Variants in GPC6 observed in about 807,000 individuals in gnomAD.
GPC6 encodes the protein glypican 6.
A neutral mutation model predicts 55.2 loss-of-function variants in GPC6; 14 were observed. That is an observed-to-expected ratio of 0.25 (90% CI 0.17 to 0.40). The LOEUF is 0.40. Among genes scored for constraint, GPC6 ranks in the 10% least tolerant of loss-of-function variants. The pLI, the probability that GPC6 is intolerant of heterozygous loss-of-function variation, is 1.00. For synonymous variants in GPC6, 278 were observed against 259.6 expected (o/e 1.07, Z -0.68); for missense variants, 641 against 708.5 (o/e 0.90, Z 1.08).
chr13:94,372,503 G>C lies in GPC6; in HGVS notation c.1153-9911G>C, dbSNP rs1168904071. Among the ~76,000 whole-genome samples the C allele has an allele frequency of 3.3e-5, 5 of 152,238 alleles. No individual in the cohort carries two copies. In the East Asian group the frequency reaches 7.7e-4, roughly 24 times the overall value. ...TCCCACCCGAATACTGCACTTTTCC[G>C]ACGGGCTTAAAAAACGGCGCACCAC... On this transcript the variant is annotated intron_variant, in intron 6 of 8. Transcript: ENST00000377047.
intron 6 of GPC6, among the ~76,000 whole-genome samples, chr13:94,312,739 C>G (rs1477003677): frequency 2.2e-5 from 3 of 138,590 alleles, no homozygotes; most frequent in Non-Finnish European, 4.5e-5. Flanking sequence ...CACACACACA[C>G]ACATGCACTC....
At chr13:93,627,893 CT>C (rs1879270980) in intron 2 of GPC6, among the ~76,000 whole-genome samples, 1 of 152,122 alleles carries the variant, frequency 6.6e-6, no homozygotes, top group African/African-American at 2.4e-5. Flanking sequence ...TATTAGATAT[CT>C]CTCAACACAT....
intron 2 of GPC6, among the ~76,000 whole-genome samples, chr13:93,565,512 G>T (rs187360149): frequency 1.2e-3 from 180 of 152,260 alleles, no homozygotes; most frequent in African/African-American, 4.1e-3. Context: ...TCATTAGGAA[G>T]TGTCTGCTTT....
chr13:94,303,122 G>C (rs906012054), intron 5 of GPC6, among the ~76,000 whole-genome samples: 1 of 152,222 alleles, frequency 6.6e-6, no homozygotes, highest in Admixed American at 6.5e-5. Flanking sequence ...AGCTCCAGCC[G>C]TAACAAACAC....
At chr13:93,522,760 C>T (rs1228251545) in intron 1 of GPC6, among the ~76,000 whole-genome samples, 1 of 151,836 alleles carries the variant, frequency 6.6e-6, no homozygotes, top group Non-Finnish European at 1.5e-5. Flanking sequence ...AATCCGGAGG[C>T]ATTTTTTTGG....
chr13:93,227,690 C>A lies in GPC6; in HGVS notation c.160+74C>A. The A allele has an allele frequency of 1.7e-6, 2 of 1,198,834 alleles. No individual in the cohort carries two copies. 74.3% of individuals were successfully genotyped at this position (1,198,834 alleles called of 1,614,324 possible). On this transcript the variant is annotated intron_variant, in intron 1 of 8. Transcript: ENST00000377047. This position sits in a 1 kb window ranked among gnomAD's most constrained non-coding sequence, Gnocchi z 4.3. ...ACGTCCCACTGGCCGCCCGGCGTCCCCTTCCTTCCCCCTGTTGCTGAGTTG... is the reference window on the plus strand; with the variant it reads ...ACGTCCCACTGGCCGCCCGGCGTCCACTTCCTTCCCCCTGTTGCTGAGTTG...
intron 1 of GPC6, among the ~76,000 whole-genome samples, chr13:93,320,975 C>A (rs1879417990): frequency 2.0e-5 from 3 of 152,196 alleles, no homozygotes; most frequent in East Asian, 1.9e-4. Flanking sequence ...CAGCACCATG[C>A]TGCTTATAAA....
At chr13:94,098,064 T>G (rs566220339) in intron 4 of GPC6, among the ~76,000 whole-genome samples, 19 of 152,248 alleles carry the variant, frequency 1.2e-4, no homozygotes, top group African/African-American at 4.3e-4. Flanking sequence ...GAGCTCATGG[T>G]CCAAGTCAGA....
chr13:93,884,172 G>T (rs1298787476), intron 3 of GPC6, among the ~76,000 whole-genome samples: 2 of 152,108 alleles, frequency 1.3e-5, no homozygotes, highest in African/African-American at 4.8e-5. Flanking sequence ...AAATGGAAAT[G>T]ACATCTCAAC....
At chr13:94,131,125 A>G (rs1886986265) in intron 4 of GPC6, among the ~76,000 whole-genome samples, 1 of 152,104 alleles carries the variant, frequency 6.6e-6, no homozygotes, top group Non-Finnish European at 1.5e-5. Context: ...AAGATTTACA[A>G]CATAATTAAG....
intron 2 of GPC6, among the ~76,000 whole-genome samples, chr13:93,637,191 G>A (rs1231071232): frequency 6.6e-6 from 1 of 152,106 alleles, no homozygotes; most frequent in Non-Finnish European, 1.5e-5. Flanking sequence ...TGTGAGAAGG[G>A]GAGGTATGTG....
chr13:93,716,454 G>C (rs1883257952), intron 2 of GPC6, among the ~76,000 whole-genome samples: 1 of 151,056 alleles, frequency 6.6e-6, no homozygotes, highest in Non-Finnish European at 1.5e-5. Context: ...GTAGGCCTAG[G>C]GTAATCTGTG....
intron 1 of GPC6, among the ~76,000 whole-genome samples, chr13:93,463,794 A>AAGC (rs990478827): frequency 1.3e-5 from 2 of 151,072 alleles, no homozygotes; most frequent in African/African-American, 4.9e-5. Context: ...ATCTATCCTC[A>AAGC]AGCACACCAA....
chr13:94,005,975 G>A (rs1216519723), intron 3 of GPC6, among the ~76,000 whole-genome samples: 1 of 152,116 alleles, frequency 6.6e-6, no homozygotes, highest in Non-Finnish European at 1.5e-5. Flanking sequence ...AAATGCAAAA[G>A]ATGTTGAAAC....
chr13:93,277,060 G>A (rs376017835), intron 1 of GPC6, among the ~76,000 whole-genome samples: 1 of 152,080 alleles, frequency 6.6e-6, no homozygotes, highest in Non-Finnish European at 1.5e-5. Context: ...GGAACCCCAG[G>A]GAGGGAAATT....
At chr13:93,999,858 C>T (rs1881720369) in intron 3 of GPC6, among the ~76,000 whole-genome samples, 1 of 152,086 alleles carries the variant, frequency 6.6e-6, no homozygotes, top group Non-Finnish European at 1.5e-5. Context: ...AAATAAATAA[C>T]AAAACCAAAC....
At chr13:93,441,010 C>A (rs544880021) in intron 1 of GPC6, among the ~76,000 whole-genome samples, 1 of 152,284 alleles carries the variant, frequency 6.6e-6, no homozygotes, top group Non-Finnish European at 1.5e-5. Context: ...CATGTCCCTA[C>A]AAAGGACATG....
chr13:94,079,620 C>A (rs1885037983), intron 4 of GPC6, among the ~76,000 whole-genome samples: 1 of 152,148 alleles, frequency 6.6e-6, no homozygotes. Context: ...TAGGACATTT[C>A]AAGTGTATGT....
chr13:93,928,782 C>G (rs1480533891), intron 3 of GPC6, among the ~76,000 whole-genome samples: 1 of 151,784 alleles, frequency 6.6e-6, no homozygotes, highest in African/African-American at 2.4e-5. Context: ...TTTATTTTGC[C>G]TCTGGCTGTT....
Sources: gnomAD v4.1 joint callset for allele counts (sites outside exome capture counted in the v4.1 genomes callset) on GRCh38, gnomAD v4.1.1 for gene constraint, Gnocchi (gnomAD v3.1) non-coding constraint, MANE v1.5 for transcripts, NCBI Gene and HGNC (gene_info 2026-07-23, HGNC 2026-07-21) for gene names.